GULP1: variants seen among roughly 807,000 people sequenced by gnomAD.
The protein encoded by GULP1 is GULP PTB domain containing engulfment adaptor 1, also known as PTB domain-containing engulfment adapter protein 1.
GULP1 carries 19 observed loss-of-function variants against 40.9 expected under a neutral mutation model. The observed-to-expected ratio is 0.46, with a 90% CI of 0.32 to 0.68. The LOEUF (loss-of-function observed/expected upper bound fraction) is 0.68. GULP1 is among the 30% of genes least tolerant of loss of function. The probability of loss-of-function intolerance (pLI) is 0.03; values close to 1 mark genes in which losing one functional copy is unlikely to be tolerated. For missense variants in GULP1, 312 were observed against 362.2 expected (o/e 0.86, Z 1.12); for synonymous variants, 119 against 117.6 (o/e 1.01, Z -0.08).
intron 1 of GULP1, among the ~76,000 whole-genome samples, chr2:188,329,164 G>A (rs1448251532): frequency 6.7e-6 from 1 of 148,754 alleles, no homozygotes; most frequent in South Asian, 2.1e-4. Context: ...TTGAGTTTCT[G>A]TTATCTTCTC....
At chr2:188,351,397 A>G (rs977586087) in intron 1 of GULP1, among the ~76,000 whole-genome samples, 14 of 152,120 alleles carry the variant, frequency 9.2e-5, no homozygotes, top group African/African-American at 3.4e-4. Context: ...TCTGACTTCA[A>G]ACCCTGTGTT....
intron 4 of GULP1, among the ~76,000 whole-genome samples, chr2:188,489,749 G>A (rs1016082133): frequency 3.3e-5 from 5 of 151,904 alleles, no homozygotes; most frequent in African/African-American, 1.2e-4. Flanking sequence ...CCTTTCCCTT[G>A]TCCTCTCTAC....
intron 2 of GULP1, among the ~76,000 whole-genome samples, chr2:188,428,420 T>C (rs1213916322): frequency 6.6e-6 from 1 of 152,162 alleles, no homozygotes; most frequent in Non-Finnish European, 1.5e-5. Flanking sequence ...ATGTCCCTGC[T>C]CAAATCTCAT....
intron 4 of GULP1, among the ~76,000 whole-genome samples, chr2:188,499,788 G>A (rs2063256864): frequency 6.6e-6 from 1 of 151,644 alleles, no homozygotes; most frequent in South Asian, 2.1e-4. Context: ...ATTTACATAT[G>A]TTAAAACATA....
intron 2 of GULP1, among the ~76,000 whole-genome samples, chr2:188,391,590 A>G (rs12151605): frequency 0.012 from 1,849 of 152,068 alleles, 16 homozygotes; most frequent in East Asian, 0.022. Flanking sequence ...TCCAATTTGG[A>G]TGCCCATTAT....
intron 1 of GULP1, among the ~76,000 whole-genome samples, chr2:188,299,085 A>G (rs1337540605): frequency 6.6e-6 from 1 of 152,146 alleles, no homozygotes; most frequent in Non-Finnish European, 1.5e-5. Context: ...CAGCAGGGGT[A>G]TGAGCTGGAG....
intron 1 of GULP1, among the ~76,000 whole-genome samples, chr2:188,376,361 A>G (rs1467243636): frequency 6.6e-6 from 1 of 152,232 alleles, no homozygotes; most frequent in Non-Finnish European, 1.5e-5. Context: ...AGATTTAGCA[A>G]TTTAAATTAC....
At chr2:188,571,306 C>T (rs1576198407) in intron 9 of GULP1, among the ~76,000 whole-genome samples, 1 of 152,264 alleles carries the variant, frequency 6.6e-6, no homozygotes, top group East Asian at 1.9e-4. Context: ...TAGAATCATT[C>T]ACAAGCTCAT....
At chr2:188,505,877 A>G (rs555833550) in intron 4 of GULP1, among the ~76,000 whole-genome samples, 11 of 152,044 alleles carry the variant, frequency 7.2e-5, no homozygotes, top group African/African-American at 2.4e-4. Context: ...ACCAATTTAT[A>G]GTCACTGAAC....
intron 1 of GULP1, among the ~76,000 whole-genome samples, chr2:188,305,659 C>T (rs1416617556): frequency 1.3e-5 from 2 of 152,188 alleles, no homozygotes; most frequent in African/African-American, 4.8e-5. Context: ...ATATAATTAT[C>T]GTGATACCAC....
At chr2:188,503,535 C>T (rs2063628152) in intron 4 of GULP1, among the ~76,000 whole-genome samples, 1 of 151,884 alleles carries the variant, frequency 6.6e-6, no homozygotes, top group Admixed American at 6.6e-5. Flanking sequence ...CCACCAGATC[C>T]CTCCCTCGAC....
chr2:188,352,044 G>A (rs2044523739), intron 1 of GULP1, among the ~76,000 whole-genome samples: 1 of 152,132 alleles, frequency 6.6e-6, no homozygotes, highest in African/African-American at 2.4e-5. Flanking sequence ...ACCCTGTCAA[G>A]TTAGCTCACT....
At chr2:188,414,426 A>G (rs2152732836) in intron 2 of GULP1, among the ~76,000 whole-genome samples, 1 of 152,294 alleles carries the variant, frequency 6.6e-6, no homozygotes, top group Admixed American at 6.5e-5. Context: ...AATTTTTATG[A>G]TTTATTAGTA....
At chr2:188,327,647 C>T (rs754980215) in intron 1 of GULP1, among the ~76,000 whole-genome samples, 1 of 152,118 alleles carries the variant, frequency 6.6e-6, no homozygotes, top group Non-Finnish European at 1.5e-5. Context: ...TCAGGTTAAA[C>T]TGTGCACTTC....
intron 1 of GULP1, among the ~76,000 whole-genome samples, chr2:188,306,423 C>T (rs2037107273): frequency 6.6e-6 from 1 of 152,030 alleles, no homozygotes; most frequent in Admixed American, 6.6e-5. Flanking sequence ...GTAAGTTAAA[C>T]TGTTAGACAT....
chr2:188,298,602 A>G (rs1246486967), intron 1 of GULP1, among the ~76,000 whole-genome samples: 1 of 152,160 alleles, frequency 6.6e-6, no homozygotes, highest in Non-Finnish European at 1.5e-5. Context: ...CTGGATATGT[A>G]GGAGAAAAAC....
rs569557253 is a variant in GULP1 at position 188,484,492 on chromosome 2, G to A, written c.90+1000G>A. 1.6e-3 allele frequency among the ~76,000 whole-genome samples: 247 copies of A among 152,204 alleles called. 1 individual carries two copies. The highest frequency in any genetic ancestry group is 6.8e-3 in the Middle Eastern group (2 of 294). On this transcript the variant is annotated intron_variant, in intron 4 of 11. Transcript: ENST00000409830. ...TAAAGAGGGGATTGGAAATATTAGC[G>A]TCAAATTTAAAAGCAACTGAACTTT...
intron 2 of GULP1, among the ~76,000 whole-genome samples, chr2:188,472,413 T>C (rs1221949044): frequency 4.6e-5 from 7 of 152,300 alleles, no homozygotes; most frequent in African/African-American, 7.2e-5. Flanking sequence ...AACACTTAGA[T>C]TTGCTCTTTT....
chr2:188,378,589 G>A (rs988057013), intron 1 of GULP1, among the ~76,000 whole-genome samples: 5 of 152,130 alleles, frequency 3.3e-5, no homozygotes, highest in Admixed American at 2.0e-4. Context: ...GTTTAAACTC[G>A]TGGCAGAAAT....
Sources: allele counts gnomAD v4.1 joint callset (sites outside exome capture counted in the v4.1 genomes callset), GRCh38; gene constraint gnomAD v4.1.1; transcripts MANE v1.5; gene names NCBI Gene and HGNC (gene_info 2026-07-23, HGNC 2026-07-21).